Variants in TEX15 observed in about 807,000 individuals in gnomAD.
TEX15 encodes the protein testis-expressed protein 15.
In TEX15, 171 loss-of-function variants were observed where a neutral mutation model predicts 237.3. That is an observed-to-expected ratio of 0.72 (90% CI 0.64 to 0.82). The LOEUF (loss-of-function observed/expected upper bound fraction) is 0.82, where lower values mean the gene tolerates loss of function less well. TEX15 is among the 40% of genes least tolerant of loss of function. TEX15 has a pLI of 0.00. For missense variants in TEX15, 3,750 were observed against 3,646.5 expected (o/e 1.03, Z -0.73); for synonymous variants, 1,338 against 1,269.8 (o/e 1.05, Z -1.14).
chr8:30,909,394 A>ACAC (rs1809172163), intron 1 of TEX15, among the ~76,000 whole-genome samples: 1 of 118,340 alleles, frequency 8.5e-6, no homozygotes, highest in African/African-American at 3.6e-5. Flanking sequence ...TTAAAGACAG[A>ACAC]CCCCCCCCCG....
intron 2 of TEX15, among the ~76,000 whole-genome samples, chr8:30,897,231 TAA>T (rs1337218241): frequency 6.6e-6 from 1 of 152,232 alleles, no homozygotes; most frequent in Non-Finnish European, 1.5e-5. Flanking sequence ...TGGTAAGGTT[TAA>T]AGTTGTATTG....
intron 9 of TEX15, among the ~76,000 whole-genome samples, chr8:30,838,820 AT>A (rs1807378818): frequency 9.4e-5 from 5 of 53,296 alleles, no homozygotes; most frequent in Admixed American, 4.2e-4. Flanking sequence ...ATATATATAT[AT>A]GAATTTTTTT....
intron 7 of TEX15, among the ~76,000 whole-genome samples, chr8:30,851,963 C>T (rs1403280506): frequency 6.6e-6 from 1 of 152,050 alleles, no homozygotes; most frequent in African/African-American, 2.4e-5. Flanking sequence ...ACCCTAACTG[C>T]TTAAGTTTAA....
At chr8:30,910,531 A>ACCACCCGGG (rs1681977768) in intron 1 of TEX15, among the ~76,000 whole-genome samples, 1 of 150,404 alleles carries the variant, frequency 6.6e-6, no homozygotes, top group African/African-American at 2.5e-5. Flanking sequence ...TGCAGCCTTG[A>ACCACCCGGG]CCACCCGGGC....
chr8:30,885,577 A>T (rs575718687), intron 3 of TEX15, among the ~76,000 whole-genome samples: 3 of 152,276 alleles, frequency 2.0e-5, no homozygotes, highest in African/African-American at 7.2e-5. Flanking sequence ...ATGGTCTGAG[A>T]GGTGACTGTA....
At chr8:30,840,976 T>A (rs1230937892) in intron 8 of TEX15, among the ~76,000 whole-genome samples, 1 of 152,154 alleles carries the variant, frequency 6.6e-6, no homozygotes, top group Non-Finnish European at 1.5e-5. Flanking sequence ...TGGAGTACAG[T>A]GGTGTAATCC....
chr8:30,842,580 A>T lies in TEX15; in HGVS notation c.7587T>A (p.Asn2529Lys), dbSNP rs1286002179. Residue 2529 changes from asparagine to lysine, a missense_variant, in exon 8 of 11, where the codon AAT (asparagine) becomes AAA (lysine). Asn to Lys is a moderately conservative substitution (Grantham distance 94). Transcript: ENST00000643185. ...KKDLDIICKY[N>K]EAVNCSYAIH... ...TAGCATATGAGCAATTAACAGCTTC[A>T]TTATATTTGCAGATAATATCCAGAT... 6.2e-7 allele frequency: 1 copy of T among 1,610,460 alleles called. No homozygotes were observed. The highest frequency in any genetic ancestry group is 8.5e-7 in the Non-Finnish European group (1 of 1,179,566).
At chr8:30,864,065 G>C (rs1184777587) in intron 5 of TEX15, among the ~76,000 whole-genome samples, 1 of 151,990 alleles carries the variant, frequency 6.6e-6, no homozygotes, top group African/African-American at 2.4e-5. Flanking sequence ...TAAGTATGTG[G>C]AGATAGTAAA....
chr8:30,853,619 A>T (rs924914345), intron 7 of TEX15, among the ~76,000 whole-genome samples: 1 of 152,298 alleles, frequency 6.6e-6, no homozygotes, highest in Non-Finnish European at 1.5e-5. Context: ...ATATTGACCC[A>T]GTCTGTGTAA....
chr8:30,860,123 T>C, intron 5 of TEX15, 66 bp from the exon 6 acceptor site: 1 of 1,291,762 alleles, frequency 7.7e-7, no homozygotes, highest in South Asian at 1.7e-5. Context: ...AACTGTCACA[T>C]TTCAAACATA....
intron 4 of TEX15, among the ~76,000 whole-genome samples, chr8:30,869,533 C>T (rs1217637998): frequency 3.3e-5 from 5 of 151,938 alleles, no homozygotes; most frequent in Non-Finnish European, 5.9e-5. Flanking sequence ...TACTAACTCC[C>T]CCCAAATTTG....
chr8:30,910,355 T>C (rs944018819), intron 1 of TEX15, among the ~76,000 whole-genome samples: 1 of 152,150 alleles, frequency 6.6e-6, no homozygotes, highest in African/African-American at 2.4e-5. Flanking sequence ...CTGCTAGGAT[T>C]AAAATTTCAA....
rs570203374 is a variant in TEX15 at position 30,849,211 on chromosome 8, A to G, written c.956T>C (p.Val319Ala). The G allele has an allele frequency of 6.5e-6, 10 of 1,536,662 alleles. No individual in the cohort carries two copies. In the African/African-American group the frequency reaches 8.2e-5, roughly 13 times the overall value. ...TGCATTGCATAAACAGTTTTCTTGAACAAATGGATCTACAGGTTTCTTGAA... is the reference window on the plus strand; with the variant it reads ...TGCATTGCATAAACAGTTTTCTTGAGCAAATGGATCTACAGGTTTCTTGAA... ...VHFKKPVDPF[V>A]QENCLCNALN... The change falls in exon 8 of 11, where the codon GTT becomes GCT. Residue 319 changes from valine to alanine, a missense_variant. Val to Ala is a moderately conservative substitution (Grantham distance 64). Transcript: ENST00000643185.
At position 30,848,086 on chromosome 8, in the gene TEX15, G is replaced by A; in HGVS notation, c.2081C>T (p.Ser694Phe). 5 of 1,611,130 alleles carry A rather than the reference G, an allele frequency of 3.1e-6. No homozygotes were observed. The highest frequency in any genetic ancestry group is 4.2e-6 in the Non-Finnish European group (5 of 1,178,650). Residue 694 changes from serine to phenylalanine, a missense_variant, in exon 8 of 11, where the codon TCT becomes TTT. Physicochemically the swap from Ser to Phe is radical, Grantham distance 155. Transcript: ENST00000643185. Reference protein sequence around the residue: ...ITQELEITKSSTSTIKDKDEL... With the variant: ...ITQELEITKSFTSTIKDKDEL... The stretch of plus-strand genomic sequence containing the variant: ...ATCCTTATCCTTTATGGTAGATGTA[G>A]AAGATTTTGTTATTTCTAACTCTTG...
Position 30,847,936 on chromosome 8 carries a change from T to A in TEX15, c.2231A>T (p.Lys744Met). 1 of 1,614,014 alleles carries A rather than the reference T, an allele frequency of 6.2e-7. No homozygotes were observed. Among genetic ancestry groups the A allele is most frequent in the East Asian group, 2.2e-5 (1 of 44,864 alleles). ...TTTCCCCAATTTCAGTTCCATTAGCTTTTGAGCAATGGCTAAACTTGTATG... is the reference window on the plus strand; with the variant it reads ...TTTCCCCAATTTCAGTTCCATTAGCATTTGAGCAATGGCTAAACTTGTATG... ...NIHTSLAIAQKLMELKLGKIN... is the reference protein window; with the variant it reads ...NIHTSLAIAQMLMELKLGKIN... The change falls in exon 8 of 11, where the codon AAG (lysine) becomes ATG (methionine). Residue 744 changes from lysine to methionine, a missense_variant. Coordinates refer to ENST00000643185, the MANE Select transcript of TEX15 (RefSeq NM_001350162.2).
chr8:30,849,021 T>C lies in TEX15; in HGVS notation c.1146A>G (p.Ser382=). The change falls in exon 8 of 11, where the codon TCA becomes TCG. Residue 382 remains serine (S), a synonymous_variant. Transcript: ENST00000643185. ...TGTCTTTGGCATCACTGGGCATAAG[T>C]GAAATGTCTGAATCATGTGCAAGTA... ...SQVLAHDSDI[S]LMPSDAKDSV... is the part of the protein sequence containing the mutation. The C allele has an allele frequency of 1.9e-6, 3 of 1,614,186 alleles. No homozygotes were observed. The highest frequency in any genetic ancestry group is 1.1e-5 in the South Asian group (1 of 91,078).
rs771033509 is a variant in TEX15, at chr8:30,847,028, T to G, written c.3139A>C (p.Asn1047His). The G allele has an allele frequency of 6.2e-7, 1 of 1,612,750 alleles. No individual in the cohort carries two copies. The highest frequency in any genetic ancestry group is 8.5e-7 in the Non-Finnish European group (1 of 1,179,068). The change falls in exon 8 of 11, where the codon AAT becomes CAT. Residue 1047 changes from asparagine (N) to histidine (H), a missense_variant. Transcript: ENST00000643185. ...KSQESFHQSINENLVLQSIEL... is the reference protein window; with the variant it reads ...KSQESFHQSIHENLVLQSIEL... Reference sequence around the variant, plus strand: ...ATGCTCTGAAGAACTAAGTTCTCATTTATTGATTGATGAAATGATTCTTGT... The same window carrying G: ...ATGCTCTGAAGAACTAAGTTCTCATGTATTGATTGATGAAATGATTCTTGT...
intron 7 of TEX15, among the ~76,000 whole-genome samples, chr8:30,850,022 T>A (rs1331336641): frequency 6.6e-6 from 1 of 151,846 alleles, no homozygotes; most frequent in Admixed American, 6.6e-5. Context: ...CATGTACATA[T>A]AAGAAGGCAA....
At chr8:30,860,195 G>T in intron 5 of TEX15, 138 bp from the exon 6 acceptor site, 1 of 702,232 alleles carries the variant, frequency 1.4e-6, no homozygotes, top group South Asian at 3.4e-5. Context: ...CCAGGCTGGA[G>T]TTGCAGGCTC....
Sources: gnomAD v4.1 joint callset for allele counts (sites outside exome capture counted in the v4.1 genomes callset) on GRCh38, gnomAD v4.1.1 for gene constraint, MANE v1.5 for transcripts, NCBI Gene and HGNC (gene_info 2026-07-23, HGNC 2026-07-21) for gene names.